Variants in TENM1 observed in about 807,000 individuals in gnomAD.
The protein encoded by TENM1 is teneurin-1.
Under a neutral mutation model 174.8 loss-of-function variants are expected in TENM1, and 35 were observed. The observed-to-expected ratio is 0.20, with a 90% confidence interval of 0.15 to 0.27. The LOEUF is 0.27. Ranked by LOEUF, TENM1 falls within the 10% of genes least tolerant of loss-of-function variation. The probability of loss-of-function intolerance (pLI) is 1.00; values close to 1 mark genes in which losing one functional copy is unlikely to be tolerated. For missense variants in TENM1, 1,633 were observed against 2,130.1 expected (o/e 0.77, Z 4.59); for synonymous variants, 781 against 798.7 (o/e 0.98, Z 0.37).
chrX:125,100,898 A>T, the TENM1 span, among the ~76,000 whole-genome samples: 1 of 111,604 alleles, frequency 9.0e-6, no homozygotes, highest in East Asian at 2.8e-4. Flanking sequence ...ACTCACAGAT[A>T]AGGAAATTAA....
chrX:124,480,395 C>T (rs2046816745), intron 22 of TENM1, among the ~76,000 whole-genome samples: 1 of 111,949 alleles, frequency 8.9e-6, no homozygotes, highest in Non-Finnish European at 1.9e-5. Context: ...CCCAATATAG[C>T]AAACGTCAAA....
At chrX:124,407,513 G>A (rs778448124) in intron 25 of TENM1, among the ~76,000 whole-genome samples, 1 of 112,315 alleles carries the variant, frequency 8.9e-6, no homozygotes, top group Non-Finnish European at 1.9e-5. Flanking sequence ...GGTAGAGACT[G>A]GCTGTACTAC....
At chrX:124,446,284 T>C (rs1178383841) in intron 23 of TENM1, among the ~76,000 whole-genome samples, 6 of 112,539 alleles carry the variant, frequency 5.3e-5, no homozygotes, top group Non-Finnish European at 1.1e-4. Flanking sequence ...TCTATGGTCA[T>C]AGCACAATAT....
chrX:124,797,598 T>C (rs763863182), intron 3 of TENM1, among the ~76,000 whole-genome samples: 2 of 111,104 alleles, frequency 1.8e-5, no homozygotes, highest in Non-Finnish European at 3.8e-5. Context: ...AGCTAGGTAA[T>C]AAGAGTCTTT....
At chrX:124,524,788 A>ATGGTTCTACC (rs112148010) in intron 16 of TENM1, among the ~76,000 whole-genome samples, 32,863 of 110,628 alleles carry the variant, frequency 0.3, 5,208 homozygotes, top group African/African-American at 0.62. Context: ...TCTGCACTAG[A>ATGGTTCTACC]TTACTTCTCT....
At chrX:125,019,820 A>C in the TENM1 span, among the ~76,000 whole-genome samples, 1 of 111,195 alleles carries the variant, frequency 9.0e-6, no homozygotes, top group Non-Finnish European at 1.9e-5. Flanking sequence ...GTGTGAAAAT[A>C]TCTCTTAACT....
intron 15 of TENM1, among the ~76,000 whole-genome samples, chrX:124,544,451 T>C: frequency 8.9e-6 from 1 of 112,295 alleles, no homozygotes; most frequent in Non-Finnish European, 1.9e-5. Context: ...TTTGTGAGGA[T>C]TAAATAACAC....
At chrX:125,027,041 T>A in the TENM1 span, among the ~76,000 whole-genome samples, 3 of 111,739 alleles carry the variant, frequency 2.7e-5, no homozygotes, top group Non-Finnish European at 5.6e-5. Context: ...TCATTTCTAT[T>A]TAAGATTTTA....
the TENM1 span, among the ~76,000 whole-genome samples, chrX:124,975,172 T>C: frequency 9.1e-6 from 1 of 110,082 alleles, no homozygotes; most frequent in Admixed American, 1.0e-4. Context: ...TTTCAAATTA[T>C]CTTTTTCTTA....
At chrX:124,779,730 T>A (rs2054865058) in intron 3 of TENM1, among the ~76,000 whole-genome samples, 1 of 111,997 alleles carries the variant, frequency 8.9e-6, no homozygotes, top group Non-Finnish European at 1.9e-5. Context: ...ACAACAATAT[T>A]TGTGGCAGTA....
intron 3 of TENM1, among the ~76,000 whole-genome samples, chrX:124,776,636 T>C (rs929307527): frequency 2.7e-5 from 3 of 112,179 alleles, no homozygotes; most frequent in Non-Finnish European, 5.6e-5. Flanking sequence ...TACAAAATTT[T>C]ATGAGTAAAT....
chrX:124,420,560 T>C lies in TENM1; in HGVS notation c.4733A>G (p.Asn1578Ser), dbSNP rs1305888009. ...AATCGCGCCCAAGTCACCTTCAGAA[T>C]TGTAGGTGAAGTTATAAACATAGTC... is the stretch of plus-strand genomic sequence containing the variant. Residue 1578 changes from asparagine (N) to serine (S), a missense_variant, in exon 25 of 32, where the codon AAT (asparagine) becomes AGT (serine). By Grantham distance (46) the Asn-to-Ser change is conservative. Around this residue, in one of 4 missense-constraint regions of TENM1, gnomAD observed 807 missense variants for 1,125.3 expected, o/e 0.72. Coordinates refer to ENST00000422452, the Ensembl canonical transcript of TENM1. 7 of 1,210,812 alleles carry C rather than the reference T, an allele frequency of 5.8e-6. No homozygotes were observed. The highest frequency in any genetic ancestry group is 1.8e-5 in the South Asian group (1 of 56,874).
At chrX:124,552,340 T>A (rs1441116382) in intron 14 of TENM1, among the ~76,000 whole-genome samples, 1 of 111,808 alleles carries the variant, frequency 8.9e-6, no homozygotes, top group Non-Finnish European at 1.9e-5. Flanking sequence ...AGCTTAGTTG[T>A]TGCCCTTACA....
At chrX:124,642,100 A>G (rs1024533807) in intron 10 of TENM1, 109 bp from the exon 14 acceptor site, 1 of 575,872 alleles carries the variant, frequency 1.7e-6, no homozygotes, top group Non-Finnish European at 3.0e-6. Context: ...AGTTTATATC[A>G]TCAATGCTGC....
chrX:124,713,168 T>C (rs779531888), intron 4 of TENM1, among the ~76,000 whole-genome samples: 3 of 112,262 alleles, frequency 2.7e-5, no homozygotes, highest in African/African-American at 3.2e-5. Flanking sequence ...TGGATACCTA[T>C]CTAAGCTTTA....
chrX:124,718,892 T>C (rs1373974929), intron 4 of TENM1, among the ~76,000 whole-genome samples: 1 of 111,798 alleles, frequency 8.9e-6, no homozygotes, highest in African/African-American at 3.3e-5. Flanking sequence ...CCATGGGGAA[T>C]ATTTGGCAAT....
At chrX:124,983,034 ATGT>A in the TENM1 span, among the ~76,000 whole-genome samples, 1 of 112,217 alleles carries the variant, frequency 8.9e-6, no homozygotes, top group Non-Finnish European at 1.9e-5. Flanking sequence ...ACAAAAACAC[ATGT>A]TGTATGTCTT....
the TENM1 span, among the ~76,000 whole-genome samples, chrX:125,120,491 G>A: frequency 1.8e-5 from 2 of 109,598 alleles, no homozygotes; most frequent in East Asian, 5.8e-4. Flanking sequence ...CACGGCCCCA[G>A]TAAGTGTTGC....
intron 3 of TENM1, among the ~76,000 whole-genome samples, chrX:124,770,272 C>T (rs2054622563): frequency 9.0e-6 from 1 of 111,548 alleles, no homozygotes; most frequent in African/African-American, 3.3e-5. Flanking sequence ...ATTTCTCCTC[C>T]ACCCCCTGTA....
Sources: gnomAD v4.1 joint callset for allele counts (sites outside exome capture counted in the v4.1 genomes callset) on GRCh38, gnomAD v4.1.1 for gene constraint, gnomAD v4.1.1 regional missense constraint, MANE v1.5 for transcripts, NCBI Gene and HGNC (gene_info 2026-07-23, HGNC 2026-07-21) for gene names.